The following MSI2 variants were observed in gnomAD, a reference collection of about 807,000 sequenced individuals.
MSI2 encodes the protein RNA-binding protein Musashi homolog 2.
In MSI2, 17 loss-of-function variants were observed where a neutral mutation model predicts 45.6. The observed-to-expected ratio is 0.37, with a 90% CI of 0.26 to 0.56. MSI2 has a LOEUF of 0.56. Ranked by LOEUF, MSI2 falls within the 20% of genes least tolerant of loss-of-function variation. The probability of loss-of-function intolerance (pLI) is 0.77; values close to 1 mark genes in which losing one functional copy is unlikely to be tolerated. For missense variants in MSI2, 293 were observed against 444.2 expected, an observed-to-expected ratio of 0.66 and a Z score of 3.06; for synonymous variants, 156 against 158.2, an observed-to-expected ratio of 0.99 and a Z score of 0.11.
chr17:57,427,623 A>G (rs2084518822), intron 6 of MSI2, among the ~76,000 whole-genome samples: 1 of 152,154 alleles, frequency 6.6e-6, no homozygotes, highest in Non-Finnish European at 1.5e-5. Flanking sequence ...CACACTTTAC[A>G]TATGGGGGTT....
At chr17:57,594,930 C>T (rs149374384) in intron 7 of MSI2, among the ~76,000 whole-genome samples, 14 of 152,224 alleles carry the variant, frequency 9.2e-5, no homozygotes, top group African/African-American at 2.2e-4. Context: ...CAGTATTTGG[C>T]GGGTGGTGGT....
chr17:57,602,287 G>A (rs6503824), intron 8 of MSI2, among the ~76,000 whole-genome samples: 92,165 of 151,890 alleles, frequency 0.61, 28,866 homozygotes, highest in African/African-American at 0.75. Context: ...CAGTTCTTCC[G>A]GTGTGGCCCA....
downstream of MSI2, among the ~76,000 whole-genome samples, chr17:57,689,027 C>T (rs1321845808): frequency 6.6e-6 from 1 of 152,072 alleles, no homozygotes; most frequent in African/African-American, 2.4e-5. Flanking sequence ...AGGATTCTGG[C>T]TTTTCCTGTC....
At chr17:57,331,463 T>C (rs1321424877) in intron 5 of MSI2, among the ~76,000 whole-genome samples, 1 of 152,098 alleles carries the variant, frequency 6.6e-6, no homozygotes, top group Non-Finnish European at 1.5e-5. Flanking sequence ...AGGAAATATG[T>C]GAGATGAGTC....
intron 7 of MSI2, among the ~76,000 whole-genome samples, chr17:57,544,386 C>G (rs1240685360): frequency 6.6e-6 from 1 of 152,170 alleles, no homozygotes; most frequent in Non-Finnish European, 1.5e-5. Flanking sequence ...TAAGTGGCTT[C>G]CAGAAACAAA....
intron 6 of MSI2, among the ~76,000 whole-genome samples, chr17:57,499,375 T>TAA (rs55797448): frequency 0.59 from 74,259 of 125,496 alleles, 22,951 homozygotes; most frequent in Non-Finnish European, 0.67. Flanking sequence ...GATTCTGTCT[T>TAA]AAAAAAAAAA....
chr17:57,292,449 C>A (rs1910506409), intron 5 of MSI2, among the ~76,000 whole-genome samples: 1 of 152,128 alleles, frequency 6.6e-6, no homozygotes, highest in Admixed American at 6.5e-5. Context: ...GCAAACTCTC[C>A]CATGTGCCTT....
intron 7 of MSI2, among the ~76,000 whole-genome samples, chr17:57,557,374 A>G (rs2087460267): frequency 6.6e-6 from 1 of 152,212 alleles, no homozygotes; most frequent in Non-Finnish European, 1.5e-5. Flanking sequence ...TTTTCCCAAG[A>G]CATCATGATG....
chr17:57,699,109 T>C, the MSI2 span, among the ~76,000 whole-genome samples: 1 of 48,668 alleles, frequency 2.1e-5, no homozygotes. Flanking sequence ...GCACTTCTGA[T>C]TGGGCCACTC....
chr17:57,631,570 T>G (rs1598474746), intron 10 of MSI2: 1 of 535,922 alleles, frequency 1.9e-6, no homozygotes, highest in Non-Finnish European at 3.3e-6. Context: ...GAGTGGGGAG[T>G]AGTTCTTTTC....
chr17:57,270,343 G>A (rs1285148207), intron 5 of MSI2, among the ~76,000 whole-genome samples: 1 of 152,200 alleles, frequency 6.6e-6, no homozygotes, highest in Non-Finnish European at 1.5e-5. Context: ...AACTAGTAAG[G>A]TTCAGGGTTG....
intron 5 of MSI2, among the ~76,000 whole-genome samples, chr17:57,397,010 T>C (rs142180695): frequency 7.4e-4 from 113 of 152,288 alleles, no homozygotes; most frequent in African/African-American, 2.6e-3. Flanking sequence ...AAAGGAAATT[T>C]AAGATCAATT....
chr17:57,672,369 G>A (rs986533508), intron 11 of MSI2, among the ~76,000 whole-genome samples: 6 of 152,244 alleles, frequency 3.9e-5, no homozygotes, highest in African/African-American at 1.2e-4. Context: ...AGGAATGGGA[G>A]CGGTTGCCAA....
intron 11 of MSI2, among the ~76,000 whole-genome samples, chr17:57,662,776 G>A (rs1252903191): frequency 6.6e-6 from 1 of 152,196 alleles, no homozygotes; most frequent in Non-Finnish European, 1.5e-5. Flanking sequence ...GGCGGTATAA[G>A]TATTTTTTGC....
At chr17:57,426,097 G>T (rs991294908) in intron 6 of MSI2, among the ~76,000 whole-genome samples, 4 of 152,178 alleles carry the variant, frequency 2.6e-5, no homozygotes, top group African/African-American at 9.7e-5. Context: ...ATACATGCAG[G>T]AGAGTTTCAG....
chr17:57,366,358 C>T (rs934743151), intron 5 of MSI2, among the ~76,000 whole-genome samples: 15 of 152,226 alleles, frequency 9.9e-5, no homozygotes, highest in African/African-American at 3.1e-4. Context: ...CTTCTCACGC[C>T]TCTTCCCTCC....
At chr17:57,373,760 G>T (rs1567786879) in intron 5 of MSI2, among the ~76,000 whole-genome samples, 1 of 152,208 alleles carries the variant, frequency 6.6e-6, no homozygotes. Flanking sequence ...CCACTGTCCT[G>T]CTGTGATCTC....
chr17:57,496,254 G>A (rs73329357), intron 6 of MSI2, among the ~76,000 whole-genome samples: 2,018 of 152,246 alleles, frequency 0.013, 48 homozygotes, highest in African/African-American at 0.045. Flanking sequence ...TTAGCGCCAC[G>A]CCAGCCGTGT....
intron 9 of MSI2, among the ~76,000 whole-genome samples, chr17:57,625,065 T>C (rs1324626477): frequency 6.6e-6 from 1 of 152,182 alleles, no homozygotes; most frequent in Non-Finnish European, 1.5e-5. Flanking sequence ...TGAGGGTCTC[T>C]CTGTGACCTC....
Sources: allele counts gnomAD v4.1 joint callset (sites outside exome capture counted in the v4.1 genomes callset), GRCh38; gene constraint gnomAD v4.1.1; transcripts MANE v1.5; gene names NCBI Gene and HGNC (gene_info 2026-07-23, HGNC 2026-07-21).